HIPK2: variants seen among roughly 807,000 people sequenced by gnomAD.
HIPK2 encodes homeodomain interacting protein kinase 2.
In HIPK2, 27 loss-of-function variants were observed where a neutral mutation model predicts 113.7. The ratio of observed to expected loss-of-function variants is 0.24; its 90% CI spans 0.17 to 0.33. HIPK2 has a LOEUF of 0.33. HIPK2 is among the 10% of genes least tolerant of loss of function. The pLI, the probability that HIPK2 is intolerant of heterozygous loss-of-function variation, is 1.00. For missense variants in HIPK2, 1,257 were observed against 1,588.0 expected (o/e 0.79, Z 3.54); for synonymous variants, 631 against 642.2 (o/e 0.98, Z 0.26).
chr7:139,581,825 C>T (rs1253283196), intron 13 of HIPK2, among the ~76,000 whole-genome samples: 1 of 152,220 alleles, frequency 6.6e-6, no homozygotes, highest in African/African-American at 2.4e-5. Context: ...CTCGTGAGGG[C>T]ACAGGCAGCA....
intron 6 of HIPK2, among the ~76,000 whole-genome samples, chr7:139,622,665 A>G (rs7782233): frequency 0.19 from 29,260 of 152,156 alleles, 3,448 homozygotes; most frequent in African/African-American, 0.33. Context: ...CTCCCAGGGC[A>G]GGGGCGCTAC....
At chr7:139,665,950 CTT>C (rs1012816558) in intron 2 of HIPK2, among the ~76,000 whole-genome samples, 84 of 139,442 alleles carry the variant, frequency 6.0e-4, no homozygotes, top group Admixed American at 9.2e-4. Context: ...GGAGGTCTGC[CTT>C]TTTTTTTTTT....
Position 139,631,578 on chromosome 7 carries a change from A to C in HIPK2, c.1227+24T>G. On this transcript the variant is annotated intron_variant, in intron 3 of 14. Coordinates refer to ENST00000406875, the MANE Select transcript of HIPK2 (RefSeq NM_022740.5). This position sits in a 1 kb window ranked among gnomAD's most constrained non-coding sequence, Gnocchi z 4.9. ...TCCAGATGAAGAATGAGGTCTTGTG[A>C]ATATCTGTGTCATCTGGACCCACCT... The C allele has an allele frequency of 6.2e-7, 1 of 1,607,198 alleles. No homozygotes were observed. The highest frequency in any genetic ancestry group is 8.5e-7 in the Non-Finnish European group (1 of 1,177,358).
chr7:139,699,503 C>G (rs1794650363), intron 2 of HIPK2, among the ~76,000 whole-genome samples: 1 of 152,148 alleles, frequency 6.6e-6, no homozygotes, highest in Non-Finnish European at 1.5e-5. Flanking sequence ...TCCAACCCAG[C>G]AAGAAGTTAC....
intron 9 of HIPK2, among the ~76,000 whole-genome samples, chr7:139,610,659 C>T (rs1397844280): frequency 6.6e-6 from 1 of 152,200 alleles, no homozygotes; most frequent in African/African-American, 2.4e-5. Context: ...ATGAAGAATA[C>T]TTCATATCGA....
Position 139,631,854 on chromosome 7 carries a change from G to T in HIPK2, c.1104-129C>A, listed in dbSNP as rs1800629499. The T allele has an allele frequency of 2.6e-6, 3 of 1,161,868 alleles. No homozygotes were observed. The highest frequency in any genetic ancestry group is 2.8e-5 in the Admixed American group (1 of 35,576). The allele number at this position is 1,161,868 out of a possible 1,614,324, so 72.0% of individuals were successfully genotyped here. On this transcript the variant is annotated intron_variant, in intron 2 of 14. Coordinates refer to ENST00000406875, the MANE Select transcript of HIPK2 (RefSeq NM_022740.5). The surrounding 1 kb of genome is among the most constrained non-coding windows in gnomAD (Gnocchi z 4.9). The stretch of plus-strand genomic sequence containing the variant: ...CCTCTGAAGGGCCTGTGGCTCTCAG[G>T]AGAGGCGCTGTGCTACAACAATCCT...
Position 139,613,129 on chromosome 7 carries a change from G to GAT in HIPK2, c.2112+71_2112+72dup. 6.4e-7 allele frequency: 1 copy of GAT among 1,559,028 alleles called. No individual in the cohort carries two copies. The highest frequency in any genetic ancestry group is 2.3e-5 in the East Asian group (1 of 43,758). ...CATTACTAGGGAGAGAGGGAGTGGA[G>GAT]ATATATATCTTTTGTGAACAACATT... On this transcript the variant is annotated intron_variant, in intron 9 of 14. Coordinates refer to ENST00000406875, the MANE Select transcript of HIPK2 (RefSeq NM_022740.5). The surrounding 1 kb of genome is among the most constrained non-coding windows in gnomAD (Gnocchi z 4.2).
intron 1 of HIPK2, among the ~76,000 whole-genome samples, chr7:139,736,240 C>T (rs1029006499): frequency 2.0e-5 from 3 of 152,080 alleles, no homozygotes; most frequent in African/African-American, 4.8e-5. Flanking sequence ...CTGGCACTGA[C>T]AGGTAGGAAA....
chr7:139,563,761 A>G lies in HIPK2; in HGVS notation c.*9166T>C, dbSNP rs1569433572. ...AGAACACGCTGTCAATACAGTTCAC[A>G]GGGAAAAAGCAAATGTGGTATTTTT... is the stretch of plus-strand genomic sequence containing the variant. On this transcript the variant is annotated 3_prime_UTR_variant, in exon 15 of 15. Transcript: ENST00000406875. 3 of 398,432 alleles carry G rather than the reference A, an allele frequency of 7.5e-6. No individual in the cohort carries two copies. The highest frequency in any genetic ancestry group is 1.3e-5 in the Non-Finnish European group (3 of 226,054). 24.7% of individuals were successfully genotyped at this position (398,432 alleles called of 1,614,324 possible).
chr7:139,744,556 A>C (rs1205051324), intron 1 of HIPK2, among the ~76,000 whole-genome samples: 1 of 152,234 alleles, frequency 6.6e-6, no homozygotes, highest in Non-Finnish European at 1.5e-5. Flanking sequence ...CAAAAAAGTG[A>C]ACTTTCCGGT....
chr7:139,675,481 T>C (rs562720147), intron 2 of HIPK2, among the ~76,000 whole-genome samples: 2 of 152,252 alleles, frequency 1.3e-5, no homozygotes, highest in African/African-American at 4.8e-5. Context: ...GTGACTCTCA[T>C]CTTATTTCTC....
chr7:139,640,772 C>G (rs1255190165), intron 2 of HIPK2, among the ~76,000 whole-genome samples: 1 of 152,208 alleles, frequency 6.6e-6, no homozygotes, highest in South Asian at 2.1e-4. Context: ...TCCTCAGCCT[C>G]CTGAGTAGCT....
At chr7:139,657,472 A>G (rs1801711420) in intron 2 of HIPK2, among the ~76,000 whole-genome samples, 1 of 152,182 alleles carries the variant, frequency 6.6e-6, no homozygotes, top group Non-Finnish European at 1.5e-5. Flanking sequence ...CTTCACCTTC[A>G]GCTGCACATC....
intron 2 of HIPK2, among the ~76,000 whole-genome samples, chr7:139,666,764 T>A (rs1802061703): frequency 6.6e-6 from 1 of 152,092 alleles, no homozygotes; most frequent in Non-Finnish European, 1.5e-5. Flanking sequence ...AAACAAAATT[T>A]AAAAAATCCA....
chr7:139,564,149 G>C lies in HIPK2; in HGVS notation c.*8778C>G. The stretch of plus-strand genomic sequence containing the variant: ...CGAACTAGACTTTGAGTCTAAGCTG[G>C]ACAATGAGTAAAACGTAAACATAGC... On this transcript the variant is annotated 3_prime_UTR_variant, in exon 15 of 15. Transcript: ENST00000406875. The C allele has an allele frequency of 2.5e-6, 1 of 395,678 alleles. No homozygotes were observed. Among genetic ancestry groups the C allele is most frequent in the Non-Finnish European group, 4.4e-6 (1 of 224,844 alleles). The allele number at this position is 395,678 out of a possible 1,614,324, so 24.5% of individuals were successfully genotyped here.
intron 1 of HIPK2, among the ~76,000 whole-genome samples, chr7:139,750,176 T>C (rs954701974): frequency 3.9e-5 from 6 of 152,256 alleles, no homozygotes; most frequent in East Asian, 1.9e-4. Flanking sequence ...GTCTTGGTTA[T>C]GGCCTCATGG....
At chr7:139,754,219 T>G (rs1467885288) in intron 1 of HIPK2, among the ~76,000 whole-genome samples, 1 of 152,204 alleles carries the variant, frequency 6.6e-6, no homozygotes, top group Non-Finnish European at 1.5e-5. Context: ...TGCCCTTTAA[T>G]TTCAGAGCCA....
At chr7:139,635,246 CG>C (rs1800768445) in intron 2 of HIPK2, among the ~76,000 whole-genome samples, 1 of 152,194 alleles carries the variant, frequency 6.6e-6, no homozygotes, top group Non-Finnish European at 1.5e-5. Flanking sequence ...GGAAGTCTGA[CG>C]CTCCAGTCTG....
chr7:139,746,311 C>T (rs935634739), intron 1 of HIPK2, among the ~76,000 whole-genome samples: 22 of 152,286 alleles, frequency 1.4e-4, no homozygotes, highest in African/African-American at 5.3e-4. Flanking sequence ...AAATCAAGAC[C>T]ATCCTTCAAA....
Sources: gnomAD v4.1 joint callset for allele counts (sites outside exome capture counted in the v4.1 genomes callset) on GRCh38, gnomAD v4.1.1 for gene constraint, Gnocchi (gnomAD v3.1) non-coding constraint, MANE v1.5 for transcripts, NCBI Gene and HGNC (gene_info 2026-07-23, HGNC 2026-07-21) for gene names.